Variants in CUBN observed in about 807,000 individuals in gnomAD.
CUBN encodes the protein cubilin.
CUBN carries 282 observed loss-of-function variants against 405.3 expected under a neutral mutation model. That is an observed-to-expected ratio of 0.70 (90% confidence interval 0.63 to 0.77). The LOEUF (loss-of-function observed/expected upper bound fraction) is 0.77. CUBN is among the 30% of genes least tolerant of loss of function. CUBN has a pLI of 0.00. For missense variants in CUBN, 4,514 were observed against 4,475.2 expected (o/e 1.01, Z -0.25); for synonymous variants, 1,684 against 1,617.0 (o/e 1.04, Z -0.99).
intron 27 of CUBN, among the ~76,000 whole-genome samples, chr10:17,028,838 C>A (rs1272268434): frequency 1.3e-5 from 2 of 152,100 alleles, no homozygotes; most frequent in African/African-American, 4.8e-5. Context: ...AATTGGAAAT[C>A]TTTCCCATTT....
chr10:17,020,275 G>A (rs931600977), intron 27 of CUBN, among the ~76,000 whole-genome samples: 7 of 152,226 alleles, frequency 4.6e-5, no homozygotes, highest in South Asian at 2.1e-4. Context: ...CTCAGAATAC[G>A]GAAATAGTAG....
intron 64 of CUBN, among the ~76,000 whole-genome samples, chr10:16,831,911 A>G (rs1052816951): frequency 2.6e-5 from 4 of 152,222 alleles, no homozygotes; most frequent in African/African-American, 9.7e-5. Flanking sequence ...GCTATGAAAA[A>G]ATACAATGCA....
Position 16,828,918 on chromosome 10 carries a change from T to A in CUBN, c.10651A>T (p.Ile3551Phe). 1 of 1,614,112 alleles carries A rather than the reference T, an allele frequency of 6.2e-7. No homozygotes were observed. The highest frequency in any genetic ancestry group is 8.5e-7 in the Non-Finnish European group (1 of 1,180,006). Residue 3551 changes from isoleucine (I) to phenylalanine (F), a missense_variant, in exon 66 of 67, where the codon ATC becomes TTC. By Grantham distance (21) the Ile-to-Phe change is conservative (BLOSUM62 0). This residue lies in a region of CUBN where 1,186 missense variants were observed against 1,186.9 expected (regional missense o/e 1.00). Coordinates refer to ENST00000377833, the MANE Select transcript of CUBN (RefSeq NM_001081.4). ...LVAPAGRLVT[I>F]NFYFISIDDP... is the part of the protein sequence containing the mutation. ...TCAATGCTGATGAAGTAGAAGTTGATGGTGACAAGCCTTCCAGCAGGAGCA... is the reference window on the plus strand; with the variant it reads ...TCAATGCTGATGAAGTAGAAGTTGAAGGTGACAAGCCTTCCAGCAGGAGCA...
chr10:16,928,061 C>A, intron 41 of CUBN, 96 bp downstream of exon 41: 1 of 1,410,264 alleles, frequency 7.1e-7, no homozygotes, highest in East Asian at 2.4e-5. Context: ...GTCTTGTGTC[C>A]TGGTGCCCAA....
intron 59 of CUBN, among the ~76,000 whole-genome samples, chr10:16,865,476 G>A (rs2131360980): frequency 6.6e-6 from 1 of 152,240 alleles, no homozygotes; most frequent in East Asian, 1.9e-4. Context: ...TGGGCAACAG[G>A]GGCTGGCTGG....
chr10:17,110,384 T>A (rs998269964), intron 9 of CUBN, among the ~76,000 whole-genome samples: 1 of 152,234 alleles, frequency 6.6e-6, no homozygotes, highest in African/African-American at 2.4e-5. Flanking sequence ...CTGTAGCTAT[T>A]TGACAGTTTG....
intron 59 of CUBN, among the ~76,000 whole-genome samples, chr10:16,852,247 C>T (rs1487880937): frequency 7.6e-6 from 1 of 131,530 alleles, no homozygotes; most frequent in Non-Finnish European, 1.6e-5. Context: ...TTCCATCCCT[C>T]CCTCTATCTT....
chr10:16,899,406 G>A (rs1841291100), intron 53 of CUBN, among the ~76,000 whole-genome samples: 1 of 152,180 alleles, frequency 6.6e-6, no homozygotes, highest in Non-Finnish European at 1.5e-5. Context: ...CAATGATATT[G>A]AATTCAACCA....
At chr10:17,057,905 G>A (rs1355643202) in intron 22 of CUBN, among the ~76,000 whole-genome samples, 3 of 152,036 alleles carry the variant, frequency 2.0e-5, no homozygotes, top group African/African-American at 7.2e-5. Flanking sequence ...GGCAGATCAA[G>A]AAGTCAGGAG....
At chr10:17,042,396 T>C (rs1045806571) in intron 26 of CUBN, among the ~76,000 whole-genome samples, 1 of 152,132 alleles carries the variant, frequency 6.6e-6, no homozygotes, top group Non-Finnish European at 1.5e-5. Context: ...CACTCAGACC[T>C]TACACTATTT....
chr10:17,068,538 T>A (rs1016530623), intron 20 of CUBN, 67 bp downstream of exon 20: 1 of 1,336,498 alleles, frequency 7.5e-7, no homozygotes, highest in African/African-American at 1.5e-5. Flanking sequence ...ATATAATTTA[T>A]TTCTATCATT....
intron 17 of CUBN, among the ~76,000 whole-genome samples, chr10:17,075,540 T>C (rs1418795618): frequency 6.6e-6 from 1 of 152,202 alleles, no homozygotes; most frequent in Non-Finnish European, 1.5e-5. Flanking sequence ...CACAAGGATA[T>C]TCAAGATGCA....
At chr10:16,829,147 A>G in intron 65 of CUBN, 107 bp from the exon 66 acceptor site, 1 of 789,436 alleles carries the variant, frequency 1.3e-6, no homozygotes, top group Non-Finnish European at 2.2e-6. Flanking sequence ...AGACTCTGCA[A>G]GAATAATGGA....
At chr10:16,837,095 T>C (rs1260476799) in intron 62 of CUBN, among the ~76,000 whole-genome samples, 1 of 151,922 alleles carries the variant, frequency 6.6e-6, no homozygotes, top group African/African-American at 2.4e-5. Flanking sequence ...TGCTCGGGGC[T>C]TCCACCCCTC....
intron 60 of CUBN, among the ~76,000 whole-genome samples, chr10:16,842,768 C>T (rs1273270393): frequency 1.3e-5 from 2 of 152,174 alleles, no homozygotes; most frequent in Non-Finnish European, 2.9e-5. Flanking sequence ...AATTCCAGCT[C>T]CCTCCCACAG....
chr10:16,949,243 G>C (rs1842859773), intron 34 of CUBN, among the ~76,000 whole-genome samples: 1 of 152,320 alleles, frequency 6.6e-6, no homozygotes, highest in African/African-American at 2.4e-5. Flanking sequence ...AATGCTGTGA[G>C]AGGTGTGCAT....
In CUBN at chr10:17,114,127, C is replaced by A. The variant is rs770878354; in HGVS notation, c.783G>T (p.Thr261=). The A allele has an allele frequency of 6.8e-5, 110 of 1,613,534 alleles. No individual in the cohort carries two copies. The highest frequency in any genetic ancestry group is 8.6e-5 in the Non-Finnish European group (102 of 1,179,858). The change falls in exon 8 of 67, where the codon ACG becomes ACT. Residue 261 remains threonine, a synonymous_variant. Coordinates refer to ENST00000377833, the MANE Select transcript of CUBN (RefSeq NM_001081.4). ...WMFSPNSPAC[T]LDRDECSFQP... The stretch of plus-strand genomic sequence containing the variant: ...GGAAGCTGCACTCGTCTCTGTCCAG[C>A]GTGCAGGCAGGGCTGTTGGGTGAAA...
At chr10:17,103,795 A>C (rs916070812) in intron 12 of CUBN, among the ~76,000 whole-genome samples, 2 of 152,254 alleles carry the variant, frequency 1.3e-5, no homozygotes, top group Admixed American at 6.5e-5. Flanking sequence ...AGGGACAGAC[A>C]CATCTGGATG....
chr10:17,007,314 G>A lies in CUBN; in HGVS notation c.4168+12519C>T, dbSNP rs141464655. Among the ~76,000 whole-genome samples the A allele has an allele frequency of 2.6e-5, 4 of 152,156 alleles. No individual in the cohort carries two copies. In the East Asian group the frequency reaches 7.7e-4, roughly 29 times the overall value. ...GGCCATTTCTTTATTTCCAGGGTGG[G>A]GCCCTCTTTGAGGACCCGCATAAAA... On this transcript the variant is annotated intron_variant, in intron 28 of 66. Transcript: ENST00000377833.
Sources: allele counts gnomAD v4.1 joint callset (sites outside exome capture counted in the v4.1 genomes callset), GRCh38; gene constraint gnomAD v4.1.1; regional missense constraint gnomAD v4.1.1; transcripts MANE v1.5; gene names NCBI Gene and HGNC (gene_info 2026-07-23, HGNC 2026-07-21).